ARSG: variants seen among roughly 807,000 people sequenced by gnomAD.
ARSG encodes ASG.
ARSG carries 37 observed loss-of-function variants against 50.5 expected under a neutral mutation model. The ratio of observed to expected loss-of-function variants is 0.73; its 90% confidence interval spans 0.56 to 0.96. The LOEUF (loss-of-function observed/expected upper bound fraction) is 0.96. Ranked by LOEUF, ARSG falls within the 50% of genes least tolerant of loss-of-function variation. The pLI, the probability that ARSG is intolerant of heterozygous loss-of-function variation, is 0.00. For synonymous variants in ARSG, 225 were observed against 254.6 expected (o/e 0.88, Z 1.11); for missense variants, 629 against 675.3 (o/e 0.93, Z 0.76).
At chr17:68,335,306 C>A (rs1394341503) in intron 2 of ARSG, among the ~76,000 whole-genome samples, 3 of 152,112 alleles carry the variant, frequency 2.0e-5, no homozygotes, top group Non-Finnish European at 4.4e-5. Flanking sequence ...GTAATCCCAG[C>A]ACTTTGGGAG....
chr17:68,269,964 C>T (rs1232383383), intron 1 of ARSG, among the ~76,000 whole-genome samples: 20 of 152,078 alleles, frequency 1.3e-4, no homozygotes, highest in Non-Finnish European at 1.8e-4. Context: ...TGAGCCACTG[C>T]GCCCGGCCCG....
chr17:68,305,977 G>T (rs2076590953), intron 1 of ARSG, among the ~76,000 whole-genome samples: 2 of 152,088 alleles, frequency 1.3e-5, no homozygotes, highest in East Asian at 3.9e-4. Context: ...CTAGGAGGCT[G>T]AGGCATGAGA....
intron 10 of ARSG, among the ~76,000 whole-genome samples, chr17:68,398,424 CACAT>C (rs749589955): frequency 4.5e-4 from 69 of 152,186 alleles, no homozygotes; most frequent in Non-Finnish European, 9.0e-4. Flanking sequence ...TATCAATATA[CACAT>C]ACATATGTGT....
rs1371859555 is a variant in ARSG, at chr17:68,349,065, G to A, written c.454+1893G>A. On this transcript the variant is annotated intron_variant, in intron 4 of 11. Transcript: ENST00000621439. ...GCCTGTAATCCCAGCACTTTGGGAG[G>A]CTGAGGTGGGTGGATCACCTGAGGT... Among the ~76,000 whole-genome samples the A allele has an allele frequency of 3.9e-5, 6 of 152,170 alleles. No homozygotes were observed. The East Asian group carries it at 5.8e-4, about 15-fold the overall frequency.
rs2080452572 is a variant in ARSG, at chr17:68,381,960, C to CTTTTTT, written c.983-3104_983-3103insTTTTTT. ...CTTGGCTCTATCATTTTCTTTCTTTCCTTTTTTTTTTTTTGACAGAGTCTC... is the reference window on the plus strand; with the variant it reads ...CTTGGCTCTATCATTTTCTTTCTTTCTTTTTTCTTTTTTTTTTTTTGACAGAGTCTC... On this transcript the variant is annotated intron_variant, in intron 8 of 11. Coordinates refer to ENST00000621439, the MANE Select transcript of ARSG (RefSeq NM_001267727.2). The surrounding 1 kb of genome is among the most constrained non-coding windows in gnomAD (Gnocchi z 4.1). Among the ~76,000 whole-genome samples the CTTTTTT allele has an allele frequency of 7.1e-6, 1 of 141,054 alleles. No individual in the cohort carries two copies. Among genetic ancestry groups the CTTTTTT allele is most frequent in the South Asian group, 2.3e-4 (1 of 4,262 alleles). The allele number at this position is 141,054 out of a possible 152,430, so 92.5% of individuals were successfully genotyped here.
chr17:68,334,246 T>G (rs2077912689), intron 2 of ARSG, among the ~76,000 whole-genome samples: 1 of 152,148 alleles, frequency 6.6e-6, no homozygotes, highest in Admixed American at 6.5e-5. Flanking sequence ...ATTTCACTGC[T>G]CTCTGATGAT....
chr17:68,278,496 C>T (rs1474537427), intron 1 of ARSG, among the ~76,000 whole-genome samples: 1 of 152,072 alleles, frequency 6.6e-6, no homozygotes, highest in Non-Finnish European at 1.5e-5. Flanking sequence ...GTCATCCAGG[C>T]TAGAGTGCAG....
rs537686908 is a variant in ARSG at position 68,364,126 on chromosome 17, G to A, written c.705-4422G>A. Among the ~76,000 whole-genome samples, 26 of 152,088 alleles carry A rather than the reference G, an allele frequency of 1.7e-4. No homozygotes were observed. The East Asian group carries it at 2.1e-3, about 12-fold the overall frequency. ...TCAGATGATTTTCCCCAGCCTTAAC[G>A]GTCCCTGCACCATAATCTTCTCCAC... On this transcript the variant is annotated intron_variant, in intron 6 of 11. Transcript: ENST00000621439.
the ARSG span, among the ~76,000 whole-genome samples, chr17:68,445,441 T>A: frequency 6.6e-6 from 1 of 150,544 alleles, no homozygotes; most frequent in Admixed American, 6.6e-5. Context: ...CTACTCAGAC[T>A]CTCCTCCAGG....
chr17:68,304,817 A>G (rs1197560242), intron 1 of ARSG, among the ~76,000 whole-genome samples: 2 of 152,230 alleles, frequency 1.3e-5, no homozygotes, highest in Non-Finnish European at 2.9e-5. Flanking sequence ...GGAATGAACC[A>G]CAATGCCCAG....
At chr17:68,282,645 TAAG>T (rs1555753158) in intron 1 of ARSG, among the ~76,000 whole-genome samples, 1 of 150,718 alleles carries the variant, frequency 6.6e-6, no homozygotes, top group East Asian at 2.0e-4. Context: ...CAAAAAAGTA[TAAG>T]AAGAAATTAG....
intron 6 of ARSG, among the ~76,000 whole-genome samples, chr17:68,366,916 C>T (rs770680740): frequency 4.6e-5 from 7 of 152,108 alleles, no homozygotes; most frequent in East Asian, 1.9e-4. Context: ...CGCAGTGCCC[C>T]GCCACTCACC....
At chr17:68,280,851 T>A (rs528600361) in intron 1 of ARSG, among the ~76,000 whole-genome samples, 1 of 152,094 alleles carries the variant, frequency 6.6e-6, no homozygotes, top group Non-Finnish European at 1.5e-5. Flanking sequence ...TGAGGCCAGA[T>A]GTAGTGTGTC....
In ARSG at chr17:68,381,400, C is replaced by T. The variant is rs2080426221; in HGVS notation, c.983-3664C>T. 6.6e-6 allele frequency among the ~76,000 whole-genome samples: 1 copy of T among 152,208 alleles called. No individual in the cohort carries two copies. The highest frequency in any genetic ancestry group is 2.1e-4 in the South Asian group (1 of 4,830). ...CCACAAGTGCGTAGAAATGCATTCT[C>T]ATGGCCATAAGACACGCATTTCTCG... On this transcript the variant is annotated intron_variant, in intron 8 of 11. Coordinates refer to ENST00000621439, the MANE Select transcript of ARSG (RefSeq NM_001267727.2). This position sits in a 1 kb window ranked among gnomAD's most constrained non-coding sequence, Gnocchi z 4.1.
the ARSG span, among the ~76,000 whole-genome samples, chr17:68,448,138 C>A: frequency 6.6e-6 from 1 of 152,102 alleles, no homozygotes; most frequent in Non-Finnish European, 1.5e-5. Flanking sequence ...TAGAACAGGA[C>A]ACACTCCCCT....
chr17:68,422,648 G>A (rs1361616632), downstream of ARSG: 1 of 136,828 alleles, frequency 7.3e-6, no homozygotes, highest in East Asian at 2.3e-4. Context: ...AGAATCACTT[G>A]AACCTAGGAG....
At chr17:68,446,046 A>AATACC in the ARSG span, among the ~76,000 whole-genome samples, 1 of 152,186 alleles carries the variant, frequency 6.6e-6, no homozygotes, top group Admixed American at 6.5e-5. Context: ...GGTACCAAAA[A>AATACC]ATACCACACA....
intron 6 of ARSG, chr17:68,359,556 G>C (rs1278286127): frequency 2.6e-5 from 4 of 152,206 alleles, no homozygotes; most frequent in African/African-American, 9.7e-5. Flanking sequence ...AGCCTAAGTG[G>C]TCAAGAAAGC....
chr17:68,339,135 A>G (rs1291666577), intron 2 of ARSG, among the ~76,000 whole-genome samples: 2 of 151,992 alleles, frequency 1.3e-5, no homozygotes, highest in Non-Finnish European at 2.9e-5. Flanking sequence ...AAAATTAGCC[A>G]CTTTGTAGCC....
Sources: allele counts gnomAD v4.1 joint callset (sites outside exome capture counted in the v4.1 genomes callset), GRCh38; gene constraint gnomAD v4.1.1; non-coding constraint Gnocchi (gnomAD v3.1); transcripts MANE v1.5; gene names NCBI Gene and HGNC (gene_info 2026-07-23, HGNC 2026-07-21).